Variants in GP6 observed in about 807,000 individuals in gnomAD.
GP6 encodes the protein glycoprotein VI platelet, also known as platelet glycoprotein VI.
Under a neutral mutation model 37.3 loss-of-function variants are expected in GP6, and 45 were observed. The ratio of observed to expected loss-of-function variants is 1.21; its 90% CI spans 0.95 to 1.55. The LOEUF (loss-of-function observed/expected upper bound fraction) is 1.55. GP6 is among the 40% of genes most tolerant of loss of function. The pLI, the probability that GP6 is intolerant of heterozygous loss-of-function variation, is 0.00. For missense variants in GP6, 813 were observed against 760.2 expected, an observed-to-expected ratio of 1.07 and a Z score of -0.82; for synonymous variants, 340 against 316.4, an observed-to-expected ratio of 1.07 and a Z score of -0.79.
Position 55,036,903 on chromosome 19 carries a change from C to T in GP6, c.34+1300G>A, listed in dbSNP as rs552979978. ...GCAGATGCCTGTAATCCCAACTATTCGGGAGGCTGAGGCAGGAGAATCACT... is the reference window on the plus strand; with the variant it reads ...GCAGATGCCTGTAATCCCAACTATTTGGGAGGCTGAGGCAGGAGAATCACT... On this transcript the variant is annotated intron_variant, in intron 1 of 7. Transcript: ENST00000310373. 7.2e-5 allele frequency among the ~76,000 whole-genome samples: 11 copies of T among 152,150 alleles called. No homozygotes were observed. The East Asian group carries it at 2.1e-3, about 29-fold the overall frequency.
chr19:55,025,389 A>C, intron 4 of GP6, 118 bp from the exon 5 acceptor site: 1 of 732,210 alleles, frequency 1.4e-6, no homozygotes, highest in South Asian at 1.5e-5. Flanking sequence ...AGTAGCTTAC[A>C]TCACTGGACT....
chr19:55,018,502 C>T, intron 6 of GP6, 150 bp downstream of exon 6: 1 of 749,256 alleles, frequency 1.3e-6, no homozygotes, highest in Admixed American at 1.8e-5. Context: ...CTCCACTCTG[C>T]ACCCATGCTC....
chr19:55,015,740 A>G lies in GP6; in HGVS notation c.725-7T>C, dbSNP rs766395116. The G allele has an allele frequency of 6.6e-7, 1 of 1,512,246 alleles. No homozygotes were observed. Among genetic ancestry groups the G allele is most frequent in the Non-Finnish European group, 9.2e-7 (1 of 1,086,280 alleles). 93.7% of individuals were successfully genotyped at this position (1,512,246 alleles called of 1,614,324 possible). On this transcript the variant is annotated splice_region_variant and splice_polypyrimidine_tract_variant and intron_variant, in intron 6 of 7. Coordinates refer to ENST00000310373, the MANE Select transcript of GP6 (RefSeq NM_001083899.2). Reference sequence around the variant, plus strand: ...GTGATACTCCTAGAAGTCTCTGGGAACCAAACAAAGGCTAAGTGTGAAATG... The same window carrying G: ...GTGATACTCCTAGAAGTCTCTGGGAGCCAAACAAAGGCTAAGTGTGAAATG...
intron 5 of GP6, among the ~76,000 whole-genome samples, chr19:55,021,363 C>CAAA (rs71181728): frequency 7.0e-6 from 1 of 142,024 alleles, no homozygotes; most frequent in African/African-American, 2.6e-5. Flanking sequence ...TACTACATCT[C>CAAA]AAAAAAAAAA....
In GP6 at chr19:55,014,569, G is replaced by A; in HGVS notation, c.1376C>T (p.Ala459Val). The A allele has an allele frequency of 6.2e-7, 1 of 1,613,224 alleles. No individual in the cohort carries two copies. The highest frequency in any genetic ancestry group is 8.5e-7 in the Non-Finnish European group (1 of 1,179,284). Residue 459 changes from alanine to valine, a missense_variant, in exon 8 of 8, where the codon GCT becomes GTT. Ala to Val is a moderately conservative substitution (Grantham distance 64). Transcript: ENST00000310373. The stretch of plus-strand genomic sequence containing the variant: ...GGATGGAACAGAGTCAACCCTGAGA[G>A]CTGGGAACCTTAGAGATCCGTCTGG...
At chr19:55,016,476 A>G (rs1309889559) in intron 6 of GP6, among the ~76,000 whole-genome samples, 1 of 150,872 alleles carries the variant, frequency 6.6e-6, no homozygotes, top group East Asian at 2.0e-4. Context: ...CCTGGGCTCA[A>G]GCGATTCTCC....
At chr19:55,034,560 A>G (rs2074754305) in intron 1 of GP6, among the ~76,000 whole-genome samples, 1 of 146,168 alleles carries the variant, frequency 6.8e-6, no homozygotes. Context: ...CATCTCGAGG[A>G]AAAAAAAAAA....
intron 5 of GP6, among the ~76,000 whole-genome samples, chr19:55,021,102 T>C (rs966419562): frequency 1.9e-4 from 27 of 141,828 alleles, no homozygotes; most frequent in Admixed American, 4.4e-4. Context: ...CTCACGCCTG[T>C]AATCCCAGCA....
rs141334008 is a variant in GP6, at chr19:55,026,161, G to A, written c.611-890C>T. On this transcript the variant is annotated intron_variant, in intron 4 of 7. Transcript: ENST00000310373. Reference sequence around the variant, plus strand: ...CCTACCCCTCACTGTGACCCTGGGGGCAAAACAGATTTTTCTACCAAAAAC... The same window carrying A: ...CCTACCCCTCACTGTGACCCTGGGGACAAAACAGATTTTTCTACCAAAAAC... 9.9e-5 allele frequency among the ~76,000 whole-genome samples: 15 copies of A among 152,242 alleles called. No individual in the cohort carries two copies. The East Asian group carries it at 2.9e-3, about 29-fold the overall frequency.
chr19:55,016,010 G>A (rs1027432143), intron 6 of GP6, among the ~76,000 whole-genome samples: 5 of 151,952 alleles, frequency 3.3e-5, no homozygotes, highest in Non-Finnish European at 5.9e-5. Context: ...GTGGTGGCAC[G>A]TGCCAGTAAT....
At chr19:55,032,681 T>A in intron 1 of GP6, 143 bp from the exon 2 acceptor site, 1 of 912,468 alleles carries the variant, frequency 1.1e-6, no homozygotes, top group Non-Finnish European at 1.8e-6. Flanking sequence ...GAATGTAATT[T>A]AAGTGAGAGA....
At chr19:55,024,128 C>T (rs1397681802) in intron 5 of GP6, among the ~76,000 whole-genome samples, 4 of 152,176 alleles carry the variant, frequency 2.6e-5, no homozygotes, top group Non-Finnish European at 4.4e-5. Flanking sequence ...ACTCTAATTA[C>T]GTAAGATGTA....
chr19:55,034,845 C>A (rs1654430), intron 1 of GP6, among the ~76,000 whole-genome samples: 1,579 of 152,230 alleles, frequency 0.01, 22 homozygotes, highest in African/African-American at 0.036. Flanking sequence ...GTGAACCCAG[C>A]TCATGTCTTG....
At chr19:55,016,987 A>G (rs1309885077) in intron 6 of GP6, among the ~76,000 whole-genome samples, 3 of 152,200 alleles carry the variant, frequency 2.0e-5, no homozygotes, top group Non-Finnish European at 4.4e-5. Context: ...TCGCAGAGTG[A>G]GCCGAAATCA....
chr19:55,030,671 A>C (rs938814488), intron 3 of GP6, among the ~76,000 whole-genome samples: 1 of 150,424 alleles, frequency 6.6e-6, no homozygotes, highest in African/African-American at 2.4e-5. Flanking sequence ...AAAATAAATA[A>C]ATAAGAAAAG....
intron 1 of GP6, among the ~76,000 whole-genome samples, chr19:55,033,171 T>C (rs77423731): frequency 7.2e-4 from 50 of 69,152 alleles, no homozygotes; most frequent in Admixed American, 9.3e-4. Context: ...ACGCGGTGGG[T>C]TCGTTCGTGT....
chr19:55,015,685 G>T lies in GP6; in HGVS notation c.773C>A (p.Ala258Asp). The change falls in exon 7 of 8, where the codon GCT (alanine) becomes GAT (aspartate). Residue 258 changes from alanine (A) to aspartate (D), a missense_variant. Physicochemically the swap from Ala to Asp is moderately radical, Grantham distance 126. Coordinates refer to ENST00000310373, the MANE Select transcript of GP6 (RefSeq NM_001083899.2). ...TCTGGAGAGGATGACTTACTCACCA[G>T]CTGGAGAGTCTGACTCCTTTGGACT... 6.4e-7 allele frequency: 1 copy of T among 1,563,702 alleles called. No individual in the cohort carries two copies. The highest frequency in any genetic ancestry group is 1.1e-5 in the South Asian group (1 of 90,068).
chr19:55,032,860 A>ACGGAGGGCTCGTTCGTGTTAGACG lies in GP6; in HGVS notation c.35-323_35-322insCGTCTAACACGAACGAGCCCTCCG, dbSNP rs1568640037. 59 of 415,148 alleles carry ACGGAGGGCTCGTTCGTGTTAGACG rather than the reference A, an allele frequency of 1.4e-4. 1 individual carries two copies. In the African/African-American group the frequency reaches 1.5e-3, roughly 11 times the overall value. The allele number at this position is 415,148 out of a possible 1,614,324, so 25.7% of individuals were successfully genotyped here. A position where few individuals can be genotyped will look rare whatever the true frequency, so the allele number is the denominator to read the frequency against. On this transcript the variant is annotated intron_variant, in intron 1 of 7. Transcript: ENST00000310373. ...CTCTGTGGACTTGTTCGTGTTAGAC[A>ACGGAGGGCTCGTTCGTGTTAGACG]CGGTGGGCTCGTTCGTGTTAGACAC...
intron 6 of GP6, among the ~76,000 whole-genome samples, chr19:55,018,349 C>G (rs1369243910): frequency 6.6e-6 from 1 of 152,234 alleles, no homozygotes; most frequent in African/African-American, 2.4e-5. Flanking sequence ...AGATTAAATA[C>G]CTGGATCACA....
Sources: allele counts gnomAD v4.1 joint callset (sites outside exome capture counted in the v4.1 genomes callset), GRCh38; gene constraint gnomAD v4.1.1; transcripts MANE v1.5; gene names NCBI Gene and HGNC (gene_info 2026-07-23, HGNC 2026-07-21).